NCL: variants seen among roughly 807,000 people sequenced by gnomAD.
NCL encodes nucleolin multifunctional protein.
Under a neutral mutation model 77.7 loss-of-function variants are expected in NCL, and 4 were observed. That is an observed-to-expected ratio of 0.05 (90% CI 0.03 to 0.12). NCL has a LOEUF of 0.12. NCL is among the 10% of genes least tolerant of loss of function. The pLI, the probability that NCL is intolerant of heterozygous loss-of-function variation, is 1.00. For missense variants in NCL, 763 were observed against 860.9 expected (o/e 0.89, Z 1.42); for synonymous variants, 344 against 297.8 (o/e 1.16, Z -1.60).
Position 231,454,876 on chromosome 2 carries a change from A to G in NCL, c.*315T>C, listed in dbSNP as rs2046868596. The G allele has an allele frequency of 4.2e-6, 1 of 239,764 alleles. No homozygotes were observed. The highest frequency in any genetic ancestry group is 5.1e-5 in the Admixed American group (1 of 19,600). 14.9% of individuals were successfully genotyped at this position (239,764 alleles called of 1,614,324 possible). On this transcript the variant is annotated 3_prime_UTR_variant, in exon 14 of 14. Coordinates refer to ENST00000322723, the MANE Select transcript of NCL (RefSeq NM_005381.3). ...AAAAAAAAAACAAAAACAAAACAAA[A>G]AAAAGAAACAACAACAAAACCCAAA...
In NCL at chr2:231,464,440, G is replaced by A. The variant is rs2046981549; in HGVS notation, c.-87C>T. 1.3e-6 allele frequency: 2 copies of A among 1,528,468 alleles called. No homozygotes were observed. The highest frequency in any genetic ancestry group is 2.4e-5 in the East Asian group (1 of 41,104). 94.7% of individuals were successfully genotyped at this position (1,528,468 alleles called of 1,614,324 possible). ...GGCGATGGCGGCCGCGGGTGCTGAA[G>A]ATCCCGGAGCACGTACACCCGAAGG... On this transcript the variant is annotated 5_prime_UTR_variant, in exon 1 of 14. Coordinates refer to ENST00000322723, the MANE Select transcript of NCL (RefSeq NM_005381.3).
chr2:231,456,219 G>C, intron 11 of NCL, 83 bp from the exon 12 acceptor site: 2 of 1,537,646 alleles, frequency 1.3e-6, no homozygotes, highest in Non-Finnish European at 1.8e-6. Context: ...ATGACTACTA[G>C]CCAAGAATAC....
At position 231,461,733 on chromosome 2, in the gene NCL, G is replaced by A. The variant is rs1359328840; in HGVS notation, c.420C>T (p.Ala140=). ...PAKGAKNGKN[A]KKEDSDEEED... ...CCTCTTCATCACTGTCTTCCTTCTT[G>A]GCATTCTTGCCATTCTTTGCCCCCT... Residue 140 remains alanine, a synonymous_variant, in exon 3 of 14, where the codon GCC becomes GCT. Coordinates refer to ENST00000322723, the MANE Select transcript of NCL (RefSeq NM_005381.3). 4.3e-6 allele frequency: 7 copies of A among 1,613,978 alleles called. No individual in the cohort carries two copies. The highest frequency in any genetic ancestry group is 4.2e-6 in the Non-Finnish European group (5 of 1,180,032).
In NCL at chr2:231,459,900, G is replaced by A. The variant is rs556520987; in HGVS notation, c.1040+252C>T. On this transcript the variant is annotated intron_variant, in intron 6 of 13. Coordinates refer to ENST00000322723, the MANE Select transcript of NCL (RefSeq NM_005381.3). ...CCAGCCTGAGCAAAAGCCAGCGTCC[G>A]TCTCAATACATAACAAAAACAACAA... 5.0e-4 allele frequency among the ~76,000 whole-genome samples: 76 copies of A among 151,946 alleles called. 1 individual carries two copies. Among genetic ancestry groups the A allele is most frequent in the African/African-American group, 2.7e-4 (11 of 41,502 alleles).
chr2:231,459,187 A>ATG (rs2046922420), intron 6 of NCL, 62 bp from the exon 7 acceptor site: 2 of 1,470,780 alleles, frequency 1.4e-6, no homozygotes, highest in Admixed American at 5.1e-5. Flanking sequence ...AATCCACAAT[A>ATG]TGTATTCTAG....
At position 231,454,871 on chromosome 2, in the gene NCL, A is replaced by C. The variant is rs574671559; in HGVS notation, c.*320T>G. ...CAAAAAAAAAAAAAACAAAAACAAA[A>C]CAAAAAAAAGAAACAACAACAAAAC... On this transcript the variant is annotated 3_prime_UTR_variant, in exon 14 of 14. Transcript: ENST00000322723. The C allele has an allele frequency of 1.2e-4, 24 of 194,290 alleles. No homozygotes were observed. Among genetic ancestry groups the C allele is most frequent in the African/African-American group, 4.2e-4 (18 of 42,730 alleles). 12.0% of individuals were successfully genotyped at this position (194,290 alleles called of 1,614,324 possible).
chr2:231,455,247 C>G lies in NCL; in HGVS notation c.2077G>C (p.Gly693Arg), dbSNP rs1374326862. 1 of 1,614,006 alleles carries G rather than the reference C, an allele frequency of 6.2e-7. No individual in the cohort carries two copies. The highest frequency in any genetic ancestry group is 8.5e-7 in the Non-Finnish European group (1 of 1,179,958). The change falls in exon 14 of 14, where the codon GGC (glycine) becomes CGC (arginine). Residue 693 changes from glycine to arginine, a missense_variant. Gly to Arg is a moderately radical substitution (Grantham distance 125). This residue lies in a region of NCL where 173 missense variants were observed against 290.4 expected (regional missense o/e 0.60). Coordinates refer to ENST00000322723, the MANE Select transcript of NCL (RefSeq NM_005381.3). ...GFGGRGGFRGGRGGGGDHKPQ... is the reference protein window; with the variant it reads ...GFGGRGGFRGRRGGGGDHKPQ... ...TTGTGGTCACCTCCTCCTCCTCTGC[C>G]TCCTCGGAAGCCTCCTCGCCCTACA...
At position 231,460,068 on chromosome 2, in the gene NCL, T is replaced by C. The variant is rs527397070; in HGVS notation, c.1040+84A>G. On this transcript the variant is annotated intron_variant, in intron 6 of 13. Coordinates refer to ENST00000322723, the MANE Select transcript of NCL (RefSeq NM_005381.3). ...TGTTTACAGTATTCATGTTTAACAG[T>C]AGCAGGCTAAAGTAACTGTGCTAAC... The C allele has an allele frequency of 4.1e-4, 572 of 1,391,874 alleles. 9 individuals are homozygous for C. Among genetic ancestry groups the C allele is most frequent in the Middle Eastern group, 1.1e-3 (4 of 3,772 alleles). 86.2% of individuals were successfully genotyped at this position (1,391,874 alleles called of 1,614,324 possible). A position where few individuals can be genotyped will look rare whatever the true frequency, so the allele number is the denominator to read the frequency against.
intron 7 of NCL, 61 bp from the exon 8 acceptor site, chr2:231,458,450 A>G: frequency 6.3e-7 from 1 of 1,580,558 alleles, no homozygotes; most frequent in African/African-American, 1.4e-5. Flanking sequence ...GGGGGCAACA[A>G]CAAAAAGAGG....
chr2:231,461,639 GTTCAAT>G lies in NCL; in HGVS notation c.508_513del (p.Ile170_Glu171del), dbSNP rs1300956268. Reference sequence around the variant, plus strand: ...GCAGCTGCTGCTTTCATCGCTGCTGGTTCAATTTCATCTTCATCCTCATCCTCGTCC... The same window carrying G: ...GCAGCTGCTGCTTTCATCGCTGCTGGTTCATCTTCATCCTCATCCTCGTCC... On this transcript the variant is annotated inframe_deletion, in exon 3 of 14. Transcript: ENST00000322723. 6.8e-6 allele frequency: 11 copies of G among 1,607,964 alleles called. No individual in the cohort carries two copies. The highest frequency in any genetic ancestry group is 8.5e-6 in the Non-Finnish European group (10 of 1,174,384).
At chr2:231,464,242 C>A in intron 1 of NCL, 94 bp downstream of exon 1, 1 of 1,523,458 alleles carries the variant, frequency 6.6e-7, no homozygotes, top group Non-Finnish European at 8.9e-7. Context: ...TAGAACGCGC[C>A]CGGGACTGCG....
chr2:231,458,848 CTG>C (rs1336934214), intron 7 of NCL, 151 bp downstream of exon 7: 5 of 841,270 alleles, frequency 5.9e-6, no homozygotes, highest in African/African-American at 5.3e-5. Flanking sequence ...CTTGTAAACA[CTG>C]TAGCTCATTT....
intron 2 of NCL, 150 bp from the exon 3 acceptor site, chr2:231,462,167 T>C: frequency 1.0e-6 from 1 of 1,004,466 alleles, no homozygotes; most frequent in South Asian, 1.3e-5. Flanking sequence ...CAGGCTTCTG[T>C]TATGTTGTCT....
intron 7 of NCL, chr2:231,458,765 T>C (rs1383526117): frequency 6.6e-6 from 3 of 457,782 alleles, no homozygotes; most frequent in Non-Finnish European, 1.1e-5. Flanking sequence ...TAATTCTTGT[T>C]CTGTATAAAA....
In NCL at chr2:231,457,196, C is replaced by T; in HGVS notation, c.1448-72G>A. 11 of 1,591,456 alleles carry T rather than the reference C, an allele frequency of 6.9e-6. No homozygotes were observed. In the South Asian group the frequency reaches 1.2e-4, roughly 18 times the overall value. ...CCAGCTTCGGTCACAACAGTAATAT[C>T]TTATTCCTAAGAATTTCAGTGCTTG... On this transcript the variant is annotated intron_variant, in intron 9 of 13. Transcript: ENST00000322723.
intron 11 of NCL, chr2:231,456,400 G>A (rs753039666): frequency 1.1e-6 from 1 of 950,318 alleles, no homozygotes; most frequent in Non-Finnish European, 1.7e-6. Context: ...CCAGTGGATG[G>A]GGCAGGAAAT....
At chr2:231,462,680 T>C (rs1353247272) in intron 2 of NCL, 7 of 423,228 alleles carry the variant, frequency 1.7e-5, no homozygotes, top group South Asian at 3.3e-5. Flanking sequence ...GCTGTCTTTA[T>C]AGTGAGCAAA....
At chr2:231,458,444 G>A (rs935614739) in intron 7 of NCL, 55 bp from the exon 8 acceptor site, 1 of 1,587,808 alleles carries the variant, frequency 6.3e-7, no homozygotes. Context: ...AAGGTGGGGG[G>A]CAACAACAAA....
chr2:231,464,438 A>C lies in NCL; in HGVS notation c.-85T>G. 6.5e-7 allele frequency: 1 copy of C among 1,529,884 alleles called. No individual in the cohort carries two copies. The highest frequency in any genetic ancestry group is 8.9e-7 in the Non-Finnish European group (1 of 1,125,150). 94.8% of individuals were successfully genotyped at this position (1,529,884 alleles called of 1,614,324 possible). A position where few individuals can be genotyped will look rare whatever the true frequency, so the allele number is the denominator to read the frequency against. On this transcript the variant is annotated 5_prime_UTR_variant, in exon 1 of 14. Transcript: ENST00000322723. Reference sequence around the variant, plus strand: ...ACGGCGATGGCGGCCGCGGGTGCTGAAGATCCCGGAGCACGTACACCCGAA... The same window carrying C: ...ACGGCGATGGCGGCCGCGGGTGCTGCAGATCCCGGAGCACGTACACCCGAA...
Sources: allele counts gnomAD v4.1 joint callset (sites outside exome capture counted in the v4.1 genomes callset), GRCh38; gene constraint gnomAD v4.1.1; regional missense constraint gnomAD v4.1.1; transcripts MANE v1.5; gene names NCBI Gene and HGNC (gene_info 2026-07-23, HGNC 2026-07-21).